CASP9: variants seen among roughly 807,000 people sequenced by gnomAD.
CASP9 encodes caspase-9.
A neutral mutation model predicts 43.5 loss-of-function variants in CASP9; 29 were observed. The observed-to-expected ratio is 0.67, with a 90% CI of 0.50 to 0.91. CASP9 has a LOEUF of 0.91. Among genes scored for constraint, CASP9 ranks in the 40% least tolerant of loss-of-function variants. The pLI, the probability that CASP9 is intolerant of heterozygous loss-of-function variation, is 0.00. For synonymous variants in CASP9, 206 were observed against 211.9 expected, an observed-to-expected ratio of 0.97 and a Z score of 0.24; for missense variants, 575 against 537.4, an observed-to-expected ratio of 1.07 and a Z score of -0.69.
intron 2 of CASP9, among the ~76,000 whole-genome samples, chr1:15,514,240 G>C (rs1204619683): frequency 6.6e-6 from 1 of 152,152 alleles, no homozygotes; most frequent in African/African-American, 2.4e-5. Context: ...TCTAGACATT[G>C]TCAAATGTCC....
At chr1:15,516,987 A>C (rs1709975034) in intron 2 of CASP9, among the ~76,000 whole-genome samples, 1 of 152,246 alleles carries the variant, frequency 6.6e-6, no homozygotes, top group Admixed American at 6.5e-5. Context: ...AGATGGAGAG[A>C]TTAAATTAGA....
intron 2 of CASP9, among the ~76,000 whole-genome samples, chr1:15,513,207 T>C (rs1709829356): frequency 1.3e-5 from 2 of 151,696 alleles, no homozygotes; most frequent in South Asian, 4.2e-4. Context: ...CTTGTCTGTG[T>C]ATATGTGCCA....
intron 1 of CASP9, among the ~76,000 whole-genome samples, chr1:15,520,790 A>C (rs1300741146): frequency 2.6e-5 from 4 of 152,036 alleles, no homozygotes; most frequent in Non-Finnish European, 5.9e-5. Context: ...GTCTCTACTA[A>C]AAATACAAAA....
intron 8 of CASP9, chr1:15,493,514 AGG>A: frequency 7.4e-7 from 1 of 1,347,578 alleles, no homozygotes; most frequent in Non-Finnish European, 9.5e-7. Flanking sequence ...ACAATTCTTG[AGG>A]GTCAAGAGTA....
At chr1:15,522,987 T>C (rs1321901555) in intron 1 of CASP9, among the ~76,000 whole-genome samples, 1 of 152,202 alleles carries the variant, frequency 6.6e-6, no homozygotes, top group African/African-American at 2.4e-5. Context: ...TAAAGACTCT[T>C]TCCCTGGGCC....
intron 6 of CASP9, among the ~76,000 whole-genome samples, chr1:15,499,712 T>A (rs908248411): frequency 6.6e-6 from 1 of 152,194 alleles, no homozygotes; most frequent in Non-Finnish European, 1.5e-5. Flanking sequence ...ATAAAGCCAT[T>A]TGAGCTAGTG....
Position 15,495,302 on chromosome 1 carries a change from T to C in CASP9, c.1019A>G (p.Asp340Gly), listed in dbSNP as rs954522290. Residue 340 changes from aspartate (D) to glycine (G), a missense_variant, in exon 7 of 9, where the codon GAC (aspartate) becomes GGC (glycine). Physicochemically the swap from Asp to Gly is moderately conservative, Grantham distance 94. Coordinates refer to ENST00000333868, the MANE Select transcript of CASP9 (RefSeq NM_001229.5). ...DAISSLPTPS[D>G]IFVSYSTFPG... Reference sequence around the variant, plus strand: ...GAAAGTAGAGTAGGACACAAAGATGTCACTGGGTGTGGGCAAACTAGATAT... The same window carrying C: ...GAAAGTAGAGTAGGACACAAAGATGCCACTGGGTGTGGGCAAACTAGATAT... 1.2e-6 allele frequency: 2 copies of C among 1,611,342 alleles called. No homozygotes were observed. Among genetic ancestry groups the C allele is most frequent in the Non-Finnish European group, 1.7e-6 (2 of 1,179,236 alleles).
At chr1:15,501,406 AAATT>A (rs1248947374) in intron 6 of CASP9, among the ~76,000 whole-genome samples, 21 of 151,926 alleles carry the variant, frequency 1.4e-4, no homozygotes, top group African/African-American at 2.6e-4. Flanking sequence ...TATTATATTT[AAATT>A]AATTATTAAA....
chr1:15,513,211 T>C (rs1453262375), intron 2 of CASP9, among the ~76,000 whole-genome samples: 2 of 151,730 alleles, frequency 1.3e-5, no homozygotes. Context: ...TCTGTGTATA[T>C]GTGCCATTAA....
chr1:15,498,370 T>C (rs932153962), intron 6 of CASP9, among the ~76,000 whole-genome samples: 6 of 149,940 alleles, frequency 4.0e-5, no homozygotes, highest in Non-Finnish European at 7.4e-5. Context: ...TTTTTTTTTT[T>C]AAGAGACACA....
chr1:15,508,015 C>T (rs574065845), intron 2 of CASP9, 108 bp from the exon 3 acceptor site: 4 of 1,104,796 alleles, frequency 3.6e-6, no homozygotes, highest in Admixed American at 3.9e-5. Flanking sequence ...AGAACTCAGA[C>T]CCTCAGACTC....
chr1:15,505,845 A>G lies in CASP9; in HGVS notation c.720+145T>C. The G allele has an allele frequency of 1.9e-5, 13 of 687,716 alleles. No homozygotes were observed. The South Asian group carries it at 2.2e-4, about 12-fold the overall frequency. 42.6% of individuals were successfully genotyped at this position (687,716 alleles called of 1,614,324 possible). A position where few individuals can be genotyped will look rare whatever the true frequency, so the allele number is the denominator to read the frequency against. On this transcript the variant is annotated intron_variant, in intron 5 of 8. Coordinates refer to ENST00000333868, the MANE Select transcript of CASP9 (RefSeq NM_001229.5). ...CAGAGGACCACATGGCTCCCAAGAA[A>G]ACAACAGGAGGTGGGCAGGGCCCCA...
At chr1:15,515,613 T>C (rs554587585) in intron 2 of CASP9, among the ~76,000 whole-genome samples, 6 of 152,326 alleles carry the variant, frequency 3.9e-5, no homozygotes, top group Admixed American at 1.3e-4. Flanking sequence ...ACTACTGATA[T>C]GCACAACAAT....
rs1557559529 is a variant in CASP9 at position 15,524,184 on chromosome 1, C to A, written c.17G>T (p.Arg6Leu). The A allele has an allele frequency of 6.5e-7, 1 of 1,546,244 alleles. No homozygotes were observed. Among genetic ancestry groups the A allele is most frequent in the Non-Finnish European group, 8.7e-7 (1 of 1,150,608 alleles). ...CAGCCGGCACCGCCGCAGGAGCCGCCGATCCGCTTCGTCCATGGCGAGTAG... is the reference window on the plus strand; with the variant it reads ...CAGCCGGCACCGCCGCAGGAGCCGCAGATCCGCTTCGTCCATGGCGAGTAG... MDEAD[R>L]RLLRRCRLRL... The change falls in exon 1 of 9, where the codon CGG becomes CTG. Residue 6 changes from arginine (R) to leucine (L), a missense_variant. By Grantham distance (102) the Arg-to-Leu change is moderately radical. Transcript: ENST00000333868.
In CASP9 at chr1:15,495,292, C is replaced by T; in HGVS notation, c.1029G>A (p.Val343=). The change falls in exon 7 of 9, where the codon GTG becomes GTA. Residue 343 remains valine (V), a synonymous_variant. Transcript: ENST00000333868. The part of the protein sequence containing the change: ...SSLPTPSDIF[V]SYSTFPGFVS... ...GCTCACCTGGGAAAGTAGAGTAGGA[C>T]ACAAAGATGTCACTGGGTGTGGGCA... 1 of 1,611,284 alleles carries T rather than the reference C, an allele frequency of 6.2e-7. No homozygotes were observed. The highest frequency in any genetic ancestry group is 8.5e-7 in the Non-Finnish European group (1 of 1,179,132).
intron 5 of CASP9, among the ~76,000 whole-genome samples, chr1:15,505,205 A>G (rs1021068451): frequency 6.6e-6 from 1 of 152,150 alleles, no homozygotes; most frequent in Non-Finnish European, 1.5e-5. Context: ...CCTCAAGGGC[A>G]TGGAAATCAC....
chr1:15,506,573 C>A (rs1709531786), intron 4 of CASP9, among the ~76,000 whole-genome samples: 1 of 152,120 alleles, frequency 6.6e-6, no homozygotes, highest in Admixed American at 6.6e-5. Flanking sequence ...GTCGTAATAG[C>A]CACCATTTTT....
chr1:15,496,145 A>G (rs1056583433), intron 6 of CASP9, among the ~76,000 whole-genome samples: 1 of 81,910 alleles, frequency 1.2e-5, no homozygotes, highest in South Asian at 3.1e-4. Flanking sequence ...TTTGGGGTTC[A>G]TAAGAGAATG....
Position 15,498,186 on chromosome 1 carries a change from T to A in CASP9, c.869-2734A>T, listed in dbSNP as rs568208539. Among the ~76,000 whole-genome samples the A allele has an allele frequency of 6.4e-4, 98 of 152,208 alleles. 1 individual carries two copies. The highest frequency in any genetic ancestry group is 2.3e-3 in the African/African-American group (95 of 41,544). On this transcript the variant is annotated intron_variant, in intron 6 of 8. Transcript: ENST00000333868. ...GCAGCCTTGACCTGCCAGGCTCAAGTGATCCCCCACCTCAGCCTCTCAAGT... is the reference window on the plus strand; with the variant it reads ...GCAGCCTTGACCTGCCAGGCTCAAGAGATCCCCCACCTCAGCCTCTCAAGT...
Sources: gnomAD v4.1 joint callset for allele counts (sites outside exome capture counted in the v4.1 genomes callset) on GRCh38, gnomAD v4.1.1 for gene constraint, MANE v1.5 for transcripts, NCBI Gene and HGNC (gene_info 2026-07-23, HGNC 2026-07-21) for gene names.